PALB2: variants seen among roughly 807,000 people sequenced by gnomAD.
PALB2 encodes mutant partner and localizer of BRCA2.
In PALB2, 82 loss-of-function variants were observed where a neutral mutation model predicts 107.4. The ratio of observed to expected loss-of-function variants is 0.76; its 90% CI spans 0.64 to 0.92. The LOEUF is 0.92. PALB2 is among the 40% of genes least tolerant of loss of function. PALB2 has a pLI of 0.00. For synonymous variants in PALB2, 489 were observed against 496.8 expected, an observed-to-expected ratio of 0.98 and a Z score of 0.21; for missense variants, 1,374 against 1,379.9, an observed-to-expected ratio of 1.00 and a Z score of 0.07.
intron 1 of PALB2, chr16:23,640,197 C>T (rs1306187182): frequency 1.1e-5 from 2 of 177,094 alleles, no homozygotes; most frequent in African/African-American, 4.7e-5. Context: ...GGCCTCCCAC[C>T]AATCTTATCA....
chr16:23,607,288 AT>A (rs11356162), intron 12 of PALB2: 75,134 of 126,844 alleles, frequency 0.59, 21,802 homozygotes, highest in Non-Finnish European at 0.65. Context: ...CTTTATGTGA[AT>A]TTTTTTTTTT....
intron 12 of PALB2, among the ~76,000 whole-genome samples, chr16:23,605,385 CA>C (rs1966451607): frequency 6.6e-6 from 1 of 151,604 alleles, no homozygotes; most frequent in Non-Finnish European, 1.5e-5. Flanking sequence ...TTCTAATTTC[CA>C]TAAAATTAGA....
In PALB2 at chr16:23,635,226, A is replaced by G; in HGVS notation, c.1320T>C (p.Phe440=). 1 of 1,614,070 alleles carries G rather than the reference A, an allele frequency of 6.2e-7. No individual in the cohort carries two copies. The highest frequency in any genetic ancestry group is 8.5e-7 in the Non-Finnish European group (1 of 1,180,020). ...QSHLDVKKKG[F]KNKNKDASKN... ...TACTTGCATCCTTATTTTTATTTTTAAACCCTTTTTTCTTGACATCCAAAT... is the reference window on the plus strand; with the variant it reads ...TACTTGCATCCTTATTTTTATTTTTGAACCCTTTTTTCTTGACATCCAAAT... Residue 440 remains phenylalanine, a synonymous_variant, in exon 4 of 13, where the codon TTT becomes TTC. Coordinates refer to ENST00000261584, the MANE Select transcript of PALB2 (RefSeq NM_024675.4).
At chr16:23,615,943 C>T (rs1376385592) in intron 10 of PALB2, among the ~76,000 whole-genome samples, 11 of 152,146 alleles carry the variant, frequency 7.2e-5, no homozygotes, top group African/African-American at 2.2e-4. Flanking sequence ...GAATTACAGG[C>T]GTGAGCCACC....
Position 23,603,381 on chromosome 16 carries a change from C to A in PALB2, c.*78G>T. On this transcript the variant is annotated 3_prime_UTR_variant, in exon 13 of 13. Coordinates refer to ENST00000261584, the MANE Select transcript of PALB2 (RefSeq NM_024675.4). ...TCATTTTAAGTGTCATTCAGATATT[C>A]TCCTTTATATTTAAAACTCCAAAAA... is the stretch of plus-strand genomic sequence containing the variant. 1 of 1,189,760 alleles carries A rather than the reference C, an allele frequency of 8.4e-7. No individual in the cohort carries two copies. Among genetic ancestry groups the A allele is most frequent in the South Asian group, 1.2e-5 (1 of 81,130 alleles). The allele number at this position is 1,189,760 out of a possible 1,614,324, so 73.7% of individuals were successfully genotyped here.
chr16:23,628,500 G>A (rs1301237204), intron 6 of PALB2, among the ~76,000 whole-genome samples: 2 of 152,086 alleles, frequency 1.3e-5, no homozygotes, highest in Non-Finnish European at 2.9e-5. Flanking sequence ...TTACCACACT[G>A]CACAGAAAAG....
At chr16:23,634,289 A>G (rs900898894) in intron 4 of PALB2, among the ~76,000 whole-genome samples, 1 of 152,208 alleles carries the variant, frequency 6.6e-6, no homozygotes, top group Non-Finnish European at 1.5e-5. Flanking sequence ...TGAGAATGAA[A>G]ATAGATTCTA....
chr16:23,613,018 GTTT>G (rs776816639), intron 11 of PALB2, among the ~76,000 whole-genome samples: 1 of 142,250 alleles, frequency 7.0e-6, no homozygotes. Context: ...CTCCCAAAGC[GTTT>G]TTTTTTTTTT....
chr16:23,629,268 G>A lies in PALB2; in HGVS notation c.2522C>T (p.Thr841Ile), dbSNP rs1373085553. The change falls in exon 6 of 13, where the codon ACA becomes ATA. Residue 841 changes from threonine (T) to isoleucine (I), a missense_variant. Coordinates refer to ENST00000261584, the MANE Select transcript of PALB2 (RefSeq NM_024675.4). ...LHKHSVEQTE[T>I]AELPASDSIN... ...GCTATCAGAAGCAGGAAGCTCTGCT[G>A]TTTCAGTCTGTGAAAACAAAAGTCA... The A allele has an allele frequency of 6.2e-7, 1 of 1,613,188 alleles. No homozygotes were observed. Among genetic ancestry groups the A allele is most frequent in the Admixed American group, 1.7e-5 (1 of 60,004 alleles).
In PALB2 at chr16:23,635,563, G is replaced by C; in HGVS notation, c.983C>G (p.Ser328Cys). 6.2e-7 allele frequency: 1 copy of C among 1,612,928 alleles called. No individual in the cohort carries two copies. Among genetic ancestry groups the C allele is most frequent in the African/African-American group, 1.3e-5 (1 of 74,896 alleles). Residue 328 changes from serine to cysteine, a missense_variant, in exon 4 of 13, where the codon TCT becomes TGT. By Grantham distance (112) the Ser-to-Cys change is moderately radical. Transcript: ENST00000261584. Reference sequence around the variant, plus strand: ...GTTATTGTAGGTGAGTTCATTTAGAGAACATGAAATATTTGCCTCTAAATT... The same window carrying C: ...GTTATTGTAGGTGAGTTCATTTAGACAACATGAAATATTTGCCTCTAAATT... ...SSNLEANISC[S>C]LNELTYNNLP... is the part of the protein sequence containing the mutation.
intron 4 of PALB2, 149 bp downstream of exon 4, chr16:23,634,713 C>T: frequency 1.1e-6 from 1 of 914,034 alleles, no homozygotes; most frequent in Non-Finnish European, 1.6e-6. Context: ...CTCTGTTCCT[C>T]AGCCTCCCAA....
intron 10 of PALB2, among the ~76,000 whole-genome samples, chr16:23,616,160 C>T (rs758730812): frequency 6.6e-6 from 1 of 152,172 alleles, no homozygotes; most frequent in African/African-American, 2.4e-5. Context: ...CTGTTACTGA[C>T]GAATTCCCAT....
At chr16:23,640,947 C>G (rs1361450421) in intron 1 of PALB2, 163 bp downstream of exon 1, 11 of 753,228 alleles carry the variant, frequency 1.5e-5, no homozygotes, top group Non-Finnish European at 2.4e-5. Flanking sequence ...GTGAGCACCA[C>G]GCTATTTCCA....
Position 23,605,306 on chromosome 16 carries a change from T to A in PALB2, c.3351-1637A>T, listed in dbSNP as rs199761720. ...ATTAAGGTGCCCACCTCTCCACTCTTGTGCTCTCAAACAGTGCAAGCTTCA... is the reference window on the plus strand; with the variant it reads ...ATTAAGGTGCCCACCTCTCCACTCTAGTGCTCTCAAACAGTGCAAGCTTCA... On this transcript the variant is annotated intron_variant, in intron 12 of 12. Transcript: ENST00000261584. 2.0e-5 allele frequency among the ~76,000 whole-genome samples: 3 copies of A among 152,184 alleles called. No individual in the cohort carries two copies. The East Asian group carries it at 5.8e-4, about 29-fold the overall frequency.
intron 11 of PALB2, among the ~76,000 whole-genome samples, chr16:23,611,305 A>T (rs2093071506): frequency 6.6e-6 from 1 of 151,872 alleles, no homozygotes; most frequent in African/African-American, 2.4e-5. Flanking sequence ...CACCATGCCC[A>T]GCTAATTTTT....
chr16:23,621,899 A>G (rs1044642077), intron 9 of PALB2, among the ~76,000 whole-genome samples: 1 of 152,074 alleles, frequency 6.6e-6, no homozygotes, highest in Non-Finnish European at 1.5e-5. Context: ...TACCATGTTG[A>G]TATTCTCTCC....
Position 23,635,101 on chromosome 16 carries a change from A to C in PALB2, c.1445T>G (p.Leu482Arg). The change falls in exon 4 of 13, where the codon CTC becomes CGC. Residue 482 changes from leucine (L) to arginine (R), a missense_variant. Coordinates refer to ENST00000261584, the MANE Select transcript of PALB2 (RefSeq NM_024675.4). ...GGGAGAGCTGACTTTAGTTAATGAG[A>C]GAAGTTTCTGAGAGGTTCTTGAACT... ...QPSSRTSQKL[L>R]SLTKVSSPAG... 1 of 1,614,184 alleles carries C rather than the reference A, an allele frequency of 6.2e-7. No individual in the cohort carries two copies. The highest frequency in any genetic ancestry group is 8.5e-7 in the Non-Finnish European group (1 of 1,180,038).
intron 11 of PALB2, 102 bp from the exon 12 acceptor site, chr16:23,608,114 C>T: frequency 1.6e-6 from 2 of 1,246,582 alleles, no homozygotes; most frequent in South Asian, 2.5e-5. Context: ...AAAGCAATGA[C>T]CGATAGGCTC....
chr16:23,623,894 CTT>C, intron 8 of PALB2, 113 bp downstream of exon 8: 1 of 739,888 alleles, frequency 1.4e-6, no homozygotes, highest in South Asian at 1.6e-5. Flanking sequence ...ATCTCTCTCT[CTT>C]TAGATCTTTC....
Sources: allele counts gnomAD v4.1 joint callset (sites outside exome capture counted in the v4.1 genomes callset), GRCh38; gene constraint gnomAD v4.1.1; transcripts MANE v1.5; gene names NCBI Gene and HGNC (gene_info 2026-07-23, HGNC 2026-07-21).